The following TMEM185B variants were observed in gnomAD, a reference collection of about 807,000 sequenced individuals.
TMEM185B encodes ee3_2.
Under a neutral mutation model 26.2 loss-of-function variants are expected in TMEM185B, and 9 were observed. The ratio of observed to expected loss-of-function variants is 0.34; its 90% CI spans 0.21 to 0.60. TMEM185B has a LOEUF of 0.60. Among genes scored for constraint, TMEM185B ranks in the 20% least tolerant of loss-of-function variants. The pLI, the probability that TMEM185B is intolerant of heterozygous loss-of-function variation, is 0.80. For missense variants in TMEM185B, 392 were observed against 447.9 expected (o/e 0.88, Z 1.13); for synonymous variants, 204 against 191.8 (o/e 1.06, Z -0.52).
In TMEM185B at chr2:120,218,290, G is replaced by A. The variant is rs1688532927; in HGVS notation, c.*3634C>T. Among the ~76,000 whole-genome samples, 1 of 152,356 alleles carries A rather than the reference G, an allele frequency of 6.6e-6. No individual in the cohort carries two copies. The highest frequency in any genetic ancestry group is 1.9e-4 in the East Asian group (1 of 5,190). On this transcript the variant is annotated 3_prime_UTR_variant, in exon 1 of 1. Coordinates refer to ENST00000426077, the MANE Select transcript of TMEM185B (RefSeq NM_024121.3). Reference sequence around the variant, plus strand: ...AGGAAGTACTCGCAGCAGCAGGGGTGCAGCTGGAGGCTCCCTTTTTGTGGG... The same window carrying A: ...AGGAAGTACTCGCAGCAGCAGGGGTACAGCTGGAGGCTCCCTTTTTGTGGG...
rs1197007571 is a variant in TMEM185B, at chr2:120,221,914, C to A, written c.*10G>T. 1 of 1,518,168 alleles carries A rather than the reference C, an allele frequency of 6.6e-7. No individual in the cohort carries two copies. Among genetic ancestry groups the A allele is most frequent in the Admixed American group, 2.1e-5 (1 of 48,752 alleles). 94.0% of individuals were successfully genotyped at this position (1,518,168 alleles called of 1,614,324 possible). On this transcript the variant is annotated 3_prime_UTR_variant, in exon 1 of 1. Transcript: ENST00000426077. ...TGGAGTCTGTGTGTGCCTGGGTCCT[C>A]TCTAGGAGTTTAATCTGGCATATCA...
In TMEM185B at chr2:120,218,170, A is replaced by G. The variant is rs1688531506; in HGVS notation, c.*3754T>C. 2.0e-5 allele frequency among the ~76,000 whole-genome samples: 3 copies of G among 152,156 alleles called. No homozygotes were observed. In the South Asian group the frequency reaches 6.2e-4, roughly 32 times the overall value. On this transcript the variant is annotated 3_prime_UTR_variant, in exon 1 of 1. Transcript: ENST00000426077. ...AAGGAGCCAGATGCTCTCTCCTCGC[A>G]TGTTCTGGAAGCTACAGAATGAACA...
At position 120,219,042 on chromosome 2, in the gene TMEM185B, C is replaced by T. The variant is rs1444369937; in HGVS notation, c.*2882G>A. Reference sequence around the variant, plus strand: ...CTTCTGCCATGAGAAAGAACACGGCCCAAGGTAAGCTGCTGCTTCAACCAG... The same window carrying T: ...CTTCTGCCATGAGAAAGAACACGGCTCAAGGTAAGCTGCTGCTTCAACCAG... On this transcript the variant is annotated 3_prime_UTR_variant, in exon 1 of 1. Transcript: ENST00000426077. Among the ~76,000 whole-genome samples, 1 of 152,166 alleles carries T rather than the reference C, an allele frequency of 6.6e-6. No homozygotes were observed.
At position 120,220,007 on chromosome 2, in the gene TMEM185B, T is replaced by C. The variant is rs1461061157; in HGVS notation, c.*1917A>G. Among the ~76,000 whole-genome samples, 1 of 152,196 alleles carries C rather than the reference T, an allele frequency of 6.6e-6. No homozygotes were observed. The highest frequency in any genetic ancestry group is 2.4e-5 in the African/African-American group (1 of 41,448). The stretch of plus-strand genomic sequence containing the variant: ...GCTGCCGGCTGGTGTAAACTGCCAG[T>C]GTGAGAGAGACAGAGCGAGCTCCCT... On this transcript the variant is annotated 3_prime_UTR_variant, in exon 1 of 1. Transcript: ENST00000426077.
chr2:120,222,244 AG>A lies in TMEM185B; in HGVS notation c.732del (p.Ser245ProfsTer11). 1 of 1,536,786 alleles carries A rather than the reference AG, an allele frequency of 6.5e-7. No individual in the cohort carries two copies. Among genetic ancestry groups the A allele is most frequent in the Non-Finnish European group, 8.7e-7 (1 of 1,147,022 alleles). On this transcript the variant is annotated frameshift_variant, in exon 1 of 1. Transcript: ENST00000426077. LOFTEE classifies it high-confidence loss of function. ...GAAAGCCAAAGGGGGACAAATATGG[AG>A]ACGTAGGAGAATGTATTGTGGCCAT... ...RLDGHNTFSYVSIFVPLWLSL... is the reference protein window; with the variant it reads ...RLDGHNTFSYXSIFVPLWLSL...
Position 120,223,024 on chromosome 2 carries a change from C to G in TMEM185B, c.-48G>C, listed in dbSNP as rs1688618511. 7 of 1,296,012 alleles carry G rather than the reference C, an allele frequency of 5.4e-6. No individual in the cohort carries two copies. In the East Asian group the frequency reaches 2.1e-4, roughly 38 times the overall value. 80.3% of individuals were successfully genotyped at this position (1,296,012 alleles called of 1,614,324 possible). A position where few individuals can be genotyped will look rare whatever the true frequency, so the allele number is the denominator to read the frequency against. ...CCCGGGCCTGCTCCCTCGCGACGCT[C>G]GGCGCTCGCGTCTCCGCGGCTTCTC... On this transcript the variant is annotated 5_prime_UTR_variant, in exon 1 of 1. Coordinates refer to ENST00000426077, the MANE Select transcript of TMEM185B (RefSeq NM_024121.3).
chr2:120,217,869 GC>G lies in TMEM185B; in HGVS notation c.*4054del, dbSNP rs1349918260. ...GAGACACCTGCAGATATCCTGGGTTGCGGGCTGGAAGAAGTATTAACAGTTG... is the reference window on the plus strand; with the variant it reads ...GAGACACCTGCAGATATCCTGGGTTGGGGCTGGAAGAAGTATTAACAGTTG... On this transcript the variant is annotated 3_prime_UTR_variant, in exon 1 of 1. Coordinates refer to ENST00000426077, the MANE Select transcript of TMEM185B (RefSeq NM_024121.3). 6.6e-6 allele frequency among the ~76,000 whole-genome samples: 1 copy of G among 152,246 alleles called. No homozygotes were observed. Among genetic ancestry groups the G allele is most frequent in the African/African-American group, 2.4e-5 (1 of 41,470 alleles).
chr2:120,219,307 G>A lies in TMEM185B; in HGVS notation c.*2617C>T, dbSNP rs368461460. 9.0e-4 allele frequency among the ~76,000 whole-genome samples: 137 copies of A among 152,314 alleles called. No individual in the cohort carries two copies. Among genetic ancestry groups the A allele is most frequent in the Non-Finnish European group, 1.7e-3 (117 of 68,032 alleles). On this transcript the variant is annotated 3_prime_UTR_variant, in exon 1 of 1. Coordinates refer to ENST00000426077, the MANE Select transcript of TMEM185B (RefSeq NM_024121.3). ...TTCATGGCAGTTAGGTAAATCCCAGGCACTGAAGTGCTCGCAGCCTCACAG... is the reference window on the plus strand; with the variant it reads ...TTCATGGCAGTTAGGTAAATCCCAGACACTGAAGTGCTCGCAGCCTCACAG...
rs1451265229 is a variant in TMEM185B, at chr2:120,222,587, G to A, written c.390C>T (p.Cys130=). The stretch of plus-strand genomic sequence containing the variant: ...ACCTATCGTGTCGAAAGCCCCAGAC[G>A]CAGGCAGCCACGGACACGGGGGACA... The part of the protein sequence containing the change: ...FFVSPVSVAA[C]VWGFRHDRSL... Residue 130 remains cysteine, a synonymous_variant, in exon 1 of 1, where the codon TGC becomes TGT. Transcript: ENST00000426077. The A allele has an allele frequency of 1.5e-5, 23 of 1,536,346 alleles. No homozygotes were observed. Among genetic ancestry groups the A allele is most frequent in the Non-Finnish European group, 1.9e-5 (22 of 1,147,022 alleles).
Position 120,219,945 on chromosome 2 carries a change from C to G in TMEM185B, c.*1979G>C, listed in dbSNP as rs1177907179. Among the ~76,000 whole-genome samples, 1 of 152,180 alleles carries G rather than the reference C, an allele frequency of 6.6e-6. No homozygotes were observed. Among genetic ancestry groups the G allele is most frequent in the Non-Finnish European group, 1.5e-5 (1 of 68,042 alleles). On this transcript the variant is annotated 3_prime_UTR_variant, in exon 1 of 1. Transcript: ENST00000426077. ...TGAGAATATGAATGAATCAATGAAT[C>G]CTTATTTATAAAAAGTTACACCCAC...
chr2:120,222,143 G>A lies in TMEM185B; in HGVS notation c.834C>T (p.Phe278=), dbSNP rs562332151. 2.6e-6 allele frequency: 4 copies of A among 1,564,032 alleles called. No individual in the cohort carries two copies. In the African/African-American group the frequency reaches 5.4e-5, roughly 21 times the overall value. The stretch of plus-strand genomic sequence containing the variant: ...GGAAAATTTCAAGCAGAAACTGACA[G>A]AAGTCTCTGCGAATGCCAAACCACC... ...NHWWFGIRRD[F]CQFLLEIFPF... The change falls in exon 1 of 1, where the codon TTC becomes TTT. Residue 278 remains phenylalanine, a synonymous_variant. Transcript: ENST00000426077.
chr2:120,222,954 T>C lies in TMEM185B; in HGVS notation c.23A>G (p.Gln8Arg), dbSNP rs1179418137. 6.9e-7 allele frequency: 1 copy of C among 1,442,240 alleles called. No individual in the cohort carries two copies. Among genetic ancestry groups the C allele is most frequent in the Non-Finnish European group, 9.1e-7 (1 of 1,103,740 alleles). The allele number at this position is 1,442,240 out of a possible 1,614,324, so 89.3% of individuals were successfully genotyped here. Residue 8 changes from glutamine (Q) to arginine (R), a missense_variant, in exon 1 of 1, where the codon CAG (glutamine) becomes CGG (arginine). Physicochemically the swap from Gln to Arg is conservative, Grantham distance 43. This residue lies in a region of TMEM185B where 175 missense variants were observed against 169.1 expected (regional missense o/e 1.03). Transcript: ENST00000426077. MNPRGLF[Q>R]DFNPSKFLIY... The stretch of plus-strand genomic sequence containing the variant: ...GAGAAACTTACTGGGGTTGAAGTCC[T>C]GGAACAGGCCCCTGGGGTTCATGGC...
Position 120,222,791 on chromosome 2 carries a change from C to T in TMEM185B, c.186G>A (p.Ala62=), listed in dbSNP as rs1026635454. 6.5e-7 allele frequency: 1 copy of T among 1,532,924 alleles called. No individual in the cohort carries two copies. The highest frequency in any genetic ancestry group is 1.2e-5 in the South Asian group (1 of 83,890). The allele number at this position is 1,532,924 out of a possible 1,614,324, so 95.0% of individuals were successfully genotyped here. A position where few individuals can be genotyped will look rare whatever the true frequency, so the allele number is the denominator to read the frequency against. The change falls in exon 1 of 1, where the codon GCG becomes GCA. Residue 62 remains alanine, a synonymous_variant. Transcript: ENST00000426077. ...LLVVAGASVG[A]GVWARNPRYR... ...AGCGAGGGTTGCGGGCCCAAACGCCCGCGCCCACGGAGGCGCCTGCGACGA... is the reference window on the plus strand; with the variant it reads ...AGCGAGGGTTGCGGGCCCAAACGCCTGCGCCCACGGAGGCGCCTGCGACGA...
chr2:120,222,476 C>T lies in TMEM185B; in HGVS notation c.501G>A (p.Pro167=). The T allele has an allele frequency of 5.2e-6, 8 of 1,536,250 alleles. No homozygotes were observed. The highest frequency in any genetic ancestry group is 7.0e-6 in the Non-Finnish European group (8 of 1,146,942). ...ALKLDRIIHW[P]WLVVFVPLWI... ...ACAGGGGCACAAACACCACCAGCCA[C>T]GGCCAGTGAATAATCCTGTCCAGCT... is the stretch of plus-strand genomic sequence containing the variant. The change falls in exon 1 of 1, where the codon CCG becomes CCA. Residue 167 remains proline (P), a synonymous_variant. Transcript: ENST00000426077.
chr2:120,222,722 C>A lies in TMEM185B; in HGVS notation c.255G>T (p.Leu85=). The change falls in exon 1 of 1, where the codon CTG becomes CTT. Residue 85 remains leucine, a synonymous_variant. Transcript: ENST00000426077. ...GEACVEFKAM[L]IAVGIHLLLL... ...GCAGCAGGTGGATGCCCACAGCGAT[C>A]AGCATGGCTTTGAACTCCACACAGG... 1.3e-6 allele frequency: 2 copies of A among 1,536,480 alleles called. No individual in the cohort carries two copies. Among genetic ancestry groups the A allele is most frequent in the South Asian group, 1.2e-5 (1 of 84,078 alleles).
At position 120,217,691 on chromosome 2, in the gene TMEM185B, T is replaced by C. The variant is rs1237910957; in HGVS notation, c.*4233A>G. Reference sequence around the variant, plus strand: ...CCGCCTTCGGTCTGTTGCAGTATGGTATCCTGACTGAAGAAAACCACGTGG... The same window carrying C: ...CCGCCTTCGGTCTGTTGCAGTATGGCATCCTGACTGAAGAAAACCACGTGG... On this transcript the variant is annotated 3_prime_UTR_variant, in exon 1 of 1. Coordinates refer to ENST00000426077, the MANE Select transcript of TMEM185B (RefSeq NM_024121.3). Among the ~76,000 whole-genome samples, 1 of 152,204 alleles carries C rather than the reference T, an allele frequency of 6.6e-6. No homozygotes were observed. The highest frequency in any genetic ancestry group is 6.5e-5 in the Admixed American group (1 of 15,276).
At position 120,218,920 on chromosome 2, in the gene TMEM185B, T is replaced by A. The variant is rs541931833; in HGVS notation, c.*3004A>T. On this transcript the variant is annotated 3_prime_UTR_variant, in exon 1 of 1. Transcript: ENST00000426077. ...GCTTGTTCCTTGGCCATGCACTGCC[T>A]CACCCCACAGAGGTCAGGCATGGCC... 2.0e-5 allele frequency among the ~76,000 whole-genome samples: 3 copies of A among 152,334 alleles called. No homozygotes were observed.
rs920704975 is a variant in TMEM185B at position 120,219,449 on chromosome 2, A to T, written c.*2475T>A. On this transcript the variant is annotated 3_prime_UTR_variant, in exon 1 of 1. Coordinates refer to ENST00000426077, the MANE Select transcript of TMEM185B (RefSeq NM_024121.3). Reference sequence around the variant, plus strand: ...CTAGATGCTGGCTTTCCAACACCAGATAGCTTGGGGGAAGAGGAAGTTAAG... The same window carrying T: ...CTAGATGCTGGCTTTCCAACACCAGTTAGCTTGGGGGAAGAGGAAGTTAAG... 6.6e-6 allele frequency among the ~76,000 whole-genome samples: 1 copy of T among 152,062 alleles called. No individual in the cohort carries two copies. The highest frequency in any genetic ancestry group is 2.1e-4 in the South Asian group (1 of 4,822).
At position 120,220,442 on chromosome 2, in the gene TMEM185B, C is replaced by A. The variant is rs2104550184; in HGVS notation, c.*1482G>T. ...TGTACCACCAGCACCTAAAGAAACA[C>A]TGTACCTGCCGGGTGCAGTGGTTCC... On this transcript the variant is annotated 3_prime_UTR_variant, in exon 1 of 1. Transcript: ENST00000426077. Among the ~76,000 whole-genome samples, 1 of 152,380 alleles carries A rather than the reference C, an allele frequency of 6.6e-6. No homozygotes were observed. The highest frequency in any genetic ancestry group is 2.1e-4 in the South Asian group (1 of 4,834).
Sources: allele counts gnomAD v4.1 joint callset (sites outside exome capture counted in the v4.1 genomes callset), GRCh38; gene constraint gnomAD v4.1.1; regional missense constraint gnomAD v4.1.1; transcripts MANE v1.5; gene names NCBI Gene and HGNC (gene_info 2026-07-23, HGNC 2026-07-21).